Variants in GOT1 observed in about 807,000 individuals in gnomAD.
The protein encoded by GOT1 is glutamic-oxaloacetic transaminase 1.
A neutral mutation model predicts 48.2 loss-of-function variants in GOT1; 25 were observed. That is an observed-to-expected ratio of 0.52 (90% confidence interval 0.38 to 0.72). The LOEUF (loss-of-function observed/expected upper bound fraction) is 0.72, where lower values mean the gene tolerates loss of function less well. GOT1 is among the 30% of genes least tolerant of loss of function. The pLI is 0.00. For synonymous variants in GOT1, 188 were observed against 193.8 expected (o/e 0.97, Z 0.25); for missense variants, 380 against 520.1 (o/e 0.73, Z 2.62).
chr10:99,424,211 A>G (rs1014227290), intron 1 of GOT1, among the ~76,000 whole-genome samples: 1 of 152,258 alleles, frequency 6.6e-6, no homozygotes, highest in Non-Finnish European at 1.5e-5. Flanking sequence ...TATTTTGAAT[A>G]GCCTCAATAG....
At chr10:99,413,833 C>T (rs2032858998) in intron 2 of GOT1, among the ~76,000 whole-genome samples, 1 of 152,212 alleles carries the variant, frequency 6.6e-6, no homozygotes, top group African/African-American at 2.4e-5. Context: ...TCATATCCAG[C>T]CAAACTAAGC....
At chr10:99,425,630 A>G (rs1004679048) in intron 1 of GOT1, among the ~76,000 whole-genome samples, 1 of 152,212 alleles carries the variant, frequency 6.6e-6, no homozygotes, top group Non-Finnish European at 1.5e-5. Flanking sequence ...GAACCTATTG[A>G]CCAAATAAAA....
chr10:99,421,972 A>T (rs531472543), intron 1 of GOT1, among the ~76,000 whole-genome samples: 1 of 152,220 alleles, frequency 6.6e-6, no homozygotes, highest in East Asian at 1.9e-4. Context: ...AATAAACATT[A>T]TAATTAACAT....
rs1187785993 is a variant in GOT1 at position 99,402,567 on chromosome 10, G to A, written c.1102+13C>T. The A allele has an allele frequency of 6.2e-6, 10 of 1,613,748 alleles. No individual in the cohort carries two copies. In the Admixed American group the frequency reaches 8.3e-5, roughly 13 times the overall value. On this transcript the variant is annotated intron_variant, in intron 8 of 8. Coordinates refer to ENST00000370508, the MANE Select transcript of GOT1 (RefSeq NM_002079.3). Reference sequence around the variant, plus strand: ...CATGCACGCATGGGCTGGAGGTGGTGGGGGCCACTTACGGTTCAACCCAGT... The same window carrying A: ...CATGCACGCATGGGCTGGAGGTGGTAGGGGCCACTTACGGTTCAACCCAGT...
chr10:99,428,025 G>A (rs1379998579), intron 1 of GOT1, among the ~76,000 whole-genome samples: 2 of 152,230 alleles, frequency 1.3e-5, no homozygotes, highest in Non-Finnish European at 2.9e-5. Context: ...GGCCGTCTGA[G>A]TCAATGACTC....
At chr10:99,429,535 C>T (rs1410805671) in intron 1 of GOT1, among the ~76,000 whole-genome samples, 6 of 152,142 alleles carry the variant, frequency 3.9e-5, no homozygotes, top group African/African-American at 1.4e-4. Flanking sequence ...CCATTTTCAT[C>T]TCTCTGGCTG....
chr10:99,403,933 C>T (rs1339063515), intron 5 of GOT1, 59 bp from the exon 6 acceptor site: 18 of 1,553,724 alleles, frequency 1.2e-5, no homozygotes, highest in African/African-American at 9.5e-5. Flanking sequence ...CCTCAGACAC[C>T]GGCCTTCCTT....
At chr10:99,429,291 G>T (rs1252551283) in intron 1 of GOT1, among the ~76,000 whole-genome samples, 1 of 150,628 alleles carries the variant, frequency 6.6e-6, no homozygotes, top group African/African-American at 2.4e-5. Flanking sequence ...CTCGTGATCC[G>T]CCCGTCTCAG....
rs780066313 is a variant in GOT1, at chr10:99,406,736, T to C, written c.414A>G (p.Ser138=). The C allele has an allele frequency of 6.2e-7, 1 of 1,613,628 alleles. No homozygotes were observed. The highest frequency in any genetic ancestry group is 1.3e-5 in the African/African-American group (1 of 74,894). ...AGCTGAAAGACTCACCCCAGGTTGGTGAGGACACATAGACAGGTGTGTTCT... is the reference window on the plus strand; with the variant it reads ...AGCTGAAAGACTCACCCCAGGTTGGCGAGGACACATAGACAGGTGTGTTCT... ...NNKNTPVYVS[S]PTWENHNAVF... Residue 138 remains serine (S), a synonymous_variant, in exon 3 of 9, where the codon TCA becomes TCG. Coordinates refer to ENST00000370508, the MANE Select transcript of GOT1 (RefSeq NM_002079.3).
chr10:99,430,188 C>A, intron 1 of GOT1: 1 of 929,832 alleles, frequency 1.1e-6, no homozygotes, highest in Non-Finnish European at 1.6e-6. Flanking sequence ...AATGGGGAAT[C>A]GGAAAGACTG....
intron 2 of GOT1, 74 bp from the exon 3 acceptor site, chr10:99,406,923 T>C: frequency 7.0e-7 from 1 of 1,435,444 alleles, no homozygotes; most frequent in Non-Finnish European, 9.8e-7. Context: ...AAGGTAATAA[T>C]GAGCACTTAC....
At chr10:99,401,028 G>A (rs2032668375) in intron 8 of GOT1, among the ~76,000 whole-genome samples, 1 of 152,134 alleles carries the variant, frequency 6.6e-6, no homozygotes, top group South Asian at 2.1e-4. Flanking sequence ...TAACTTTTGT[G>A]TTATAAGCAC....
At chr10:99,424,278 T>C (rs1250227633) in intron 1 of GOT1, among the ~76,000 whole-genome samples, 1 of 152,202 alleles carries the variant, frequency 6.6e-6, no homozygotes, top group African/African-American at 2.4e-5. Context: ...ATTTGCATCA[T>C]CTCCATTGAA....
intron 2 of GOT1, among the ~76,000 whole-genome samples, chr10:99,411,867 C>T (rs1356589353): frequency 6.6e-6 from 1 of 152,188 alleles, no homozygotes; most frequent in East Asian, 1.9e-4. Flanking sequence ...GGTAAATAAG[C>T]AATGATCACT....
Position 99,397,510 on chromosome 10 carries a change from A to G in GOT1, c.*37T>C. Reference sequence around the variant, plus strand: ...TGCAGGCAGGGAACACACATGACAGAGAACTACTTTGGTGGTACTGGACGG... The same window carrying G: ...TGCAGGCAGGGAACACACATGACAGGGAACTACTTTGGTGGTACTGGACGG... On this transcript the variant is annotated 3_prime_UTR_variant, in exon 9 of 9. Coordinates refer to ENST00000370508, the MANE Select transcript of GOT1 (RefSeq NM_002079.3). This position sits in a 1 kb window ranked among gnomAD's most constrained non-coding sequence, Gnocchi z 5.4. 6.2e-7 allele frequency: 1 copy of G among 1,609,506 alleles called. No homozygotes were observed. Among genetic ancestry groups the G allele is most frequent in the South Asian group, 1.1e-5 (1 of 90,936 alleles).
chr10:99,401,900 T>C (rs1371644428), intron 8 of GOT1, among the ~76,000 whole-genome samples: 2 of 151,860 alleles, frequency 1.3e-5, no homozygotes, highest in Middle Eastern at 3.2e-3. Context: ...CTCTGCCTCC[T>C]GGATTCAAGT....
chr10:99,416,283 T>C (rs2032893756), intron 2 of GOT1, among the ~76,000 whole-genome samples: 3 of 152,050 alleles, frequency 2.0e-5, no homozygotes, highest in African/African-American at 7.2e-5. Flanking sequence ...TCACAAGCAT[T>C]CTTATACACC....
chr10:99,416,167 T>C (rs2032892281), intron 2 of GOT1, among the ~76,000 whole-genome samples: 1 of 152,182 alleles, frequency 6.6e-6, no homozygotes, highest in Non-Finnish European at 1.5e-5. Flanking sequence ...TGTTTGCAGA[T>C]GACATGATTG....
intron 2 of GOT1, among the ~76,000 whole-genome samples, chr10:99,412,733 C>A (rs777087753): frequency 3.3e-5 from 5 of 152,096 alleles, no homozygotes; most frequent in Non-Finnish European, 2.9e-5. Context: ...GGCCGGGTAC[C>A]CCTCTGAGAC....
Sources: gnomAD v4.1 joint callset for allele counts (sites outside exome capture counted in the v4.1 genomes callset) on GRCh38, gnomAD v4.1.1 for gene constraint, Gnocchi (gnomAD v3.1) non-coding constraint, MANE v1.5 for transcripts, NCBI Gene and HGNC (gene_info 2026-07-23, HGNC 2026-07-21) for gene names.